LAPTM4B: variants seen among roughly 807,000 people sequenced by gnomAD.
The protein encoded by LAPTM4B is lysosomal protein transmembrane 4 beta.
In LAPTM4B, 26 loss-of-function variants were observed where a neutral mutation model predicts 28.5. The ratio of observed to expected loss-of-function variants is 0.91; its 90% CI spans 0.67 to 1.27. LAPTM4B has a LOEUF of 1.27. LAPTM4B is among the 50% of genes most tolerant of loss of function. LAPTM4B has a pLI of 0.00. For missense variants in LAPTM4B, 288 were observed against 285.8 expected (o/e 1.01, Z -0.06); for synonymous variants, 109 against 106.4 (o/e 1.02, Z -0.15).
rs752219747 is a variant in LAPTM4B, at chr8:97,775,975, C to T, written c.-35C>T. ...GCGAGGCGGTCGACGCTCCTGAAAA[C>T]TTGCGCGCGCGCTCGCGCCACTGCG... On this transcript the variant is annotated 5_prime_UTR_variant, in exon 1 of 7. Coordinates refer to ENST00000521545, the MANE Select transcript of LAPTM4B (RefSeq NM_018407.6). 45 of 1,544,090 alleles carry T rather than the reference C, an allele frequency of 2.9e-5. No homozygotes were observed. The East Asian group carries it at 1.0e-3, about 36-fold the overall frequency.
At chr8:97,787,702 C>T (rs1225278403) in intron 1 of LAPTM4B, among the ~76,000 whole-genome samples, 1 of 151,832 alleles carries the variant, frequency 6.6e-6, no homozygotes, top group Non-Finnish European at 1.5e-5. Flanking sequence ...ATTTTAGTGT[C>T]CTTTTCTAAG....
chr8:97,836,960 A>G lies in LAPTM4B; in HGVS notation c.603+11807A>G, dbSNP rs569657965. Among the ~76,000 whole-genome samples, 8 of 151,936 alleles carry G rather than the reference A, an allele frequency of 5.3e-5. No homozygotes were observed. In the East Asian group the frequency reaches 1.5e-3, roughly 29 times the overall value. On this transcript the variant is annotated intron_variant, in intron 6 of 6. Transcript: ENST00000521545. Reference sequence around the variant, plus strand: ...AGAGAAAAAAAAATATATATATATAACATATAAGGTGAGTGATGACTGGGG... The same window carrying G: ...AGAGAAAAAAAAATATATATATATAGCATATAAGGTGAGTGATGACTGGGG...
intron 6 of LAPTM4B, among the ~76,000 whole-genome samples, chr8:97,850,443 G>A (rs1817504960): frequency 7.9e-6 from 1 of 126,272 alleles, no homozygotes; most frequent in South Asian, 2.3e-4. Flanking sequence ...AAGTAATGAA[G>A]TGTGTAGAGC....
intron 1 of LAPTM4B, among the ~76,000 whole-genome samples, chr8:97,782,340 G>GTGGCTCAATGCAGCCTTGTCTTCCC (rs111728444): frequency 7.7e-5 from 10 of 129,332 alleles, no homozygotes; most frequent in Non-Finnish European, 1.3e-4. Context: ...CCAGGCTGGA[G>GTGGCTCAATGCAGCCTTGTCTTCCC]TGGCTCAATG....
chr8:97,825,074 G>A lies in LAPTM4B; in HGVS notation c.524G>A (p.Cys175Tyr), dbSNP rs777884658. ...ILTFKGYLISCVWNCYRYING... is the reference protein window; with the variant it reads ...ILTFKGYLISYVWNCYRYING... ...CATTTTCAGGGTTACTTGATTAGCT[G>A]TGTTTGGAACTGCTACCGATACATC... is the stretch of plus-strand genomic sequence containing the variant. The change falls in exon 6 of 7, where the codon TGT becomes TAT. Residue 175 changes from cysteine (C) to tyrosine (Y), a missense_variant. Cys to Tyr is a radical substitution (Grantham distance 194). Transcript: ENST00000521545. 1 of 1,607,686 alleles carries A rather than the reference G, an allele frequency of 6.2e-7. No homozygotes were observed. The highest frequency in any genetic ancestry group is 8.5e-7 in the Non-Finnish European group (1 of 1,174,500).
At chr8:97,820,932 G>T (rs1014791811) in intron 5 of LAPTM4B, among the ~76,000 whole-genome samples, 2 of 151,772 alleles carry the variant, frequency 1.3e-5, no homozygotes, top group African/African-American at 4.8e-5. Context: ...TCACCATGTT[G>T]GCCATGCTGG....
At chr8:97,791,029 C>T (rs572301960) in intron 1 of LAPTM4B, among the ~76,000 whole-genome samples, 8 of 152,200 alleles carry the variant, frequency 5.3e-5, no homozygotes, top group Non-Finnish European at 7.4e-5. Context: ...CTCAGCCTCC[C>T]GAGTAGCTGG....
chr8:97,815,678 C>T (rs1816900684), intron 3 of LAPTM4B, among the ~76,000 whole-genome samples: 1 of 152,164 alleles, frequency 6.6e-6, no homozygotes, highest in Non-Finnish European at 1.5e-5. Flanking sequence ...GTGATTCTCC[C>T]ACCTCAGCCT....
At chr8:97,816,242 A>G (rs1344000831) in intron 4 of LAPTM4B, 62 bp downstream of exon 4, 5 of 1,514,892 alleles carry the variant, frequency 3.3e-6, no homozygotes, top group Non-Finnish European at 4.5e-6. Context: ...CTGGTTAAGT[A>G]AGGGATGTGT....
At chr8:97,786,408 T>TAAAAAAA (rs34540509) in intron 1 of LAPTM4B, among the ~76,000 whole-genome samples, 2 of 147,886 alleles carry the variant, frequency 1.4e-5, no homozygotes, top group African/African-American at 2.5e-5. Flanking sequence ...ACATTGAACT[T>TAAAAAAA]AAAAAAAAAA....
rs138816867 is a variant in LAPTM4B, at chr8:97,820,781, T to C, written c.507+1543T>C. ...TCTCACTCTGTCACCTAGGCTGGAG[T>C]GCAGAGGTGCGATCTCGGCTCACTG... On this transcript the variant is annotated intron_variant, in intron 5 of 6. Transcript: ENST00000521545. Among the ~76,000 whole-genome samples the C allele has an allele frequency of 6.0e-3, 904 of 151,902 alleles. 6 individuals carry two copies. Among genetic ancestry groups the C allele is most frequent in the African/African-American group, 0.02 (850 of 41,494 alleles).
chr8:97,851,536 C>A lies in LAPTM4B; in HGVS notation c.*62C>A. On this transcript the variant is annotated 3_prime_UTR_variant, in exon 7 of 7. Transcript: ENST00000521545. ...CTTTGCAGACATCTGAGCAATAGTT[C>A]TGTTATTTCACTTTTGCCATGAGCC... 8.0e-7 allele frequency: 1 copy of A among 1,249,256 alleles called. No individual in the cohort carries two copies. Among genetic ancestry groups the A allele is most frequent in the Non-Finnish European group, 1.2e-6 (1 of 851,714 alleles). 77.4% of individuals were successfully genotyped at this position (1,249,256 alleles called of 1,614,324 possible).
intron 1 of LAPTM4B, among the ~76,000 whole-genome samples, chr8:97,800,393 C>T (rs1816651600): frequency 6.6e-6 from 1 of 151,434 alleles, no homozygotes; most frequent in South Asian, 2.1e-4. Context: ...TATTGTATGC[C>T]AGTCACCGGT....
chr8:97,851,570 CTTGT>C lies in LAPTM4B; in HGVS notation c.*102_*105del, dbSNP rs539431617. ...CACTTTTGCCATGAGCCTCTCTGAG[CTTGT>C]TTGTTGCTGAAATGCTACTTTTTAA... On this transcript the variant is annotated 3_prime_UTR_variant, in exon 7 of 7. Coordinates refer to ENST00000521545, the MANE Select transcript of LAPTM4B (RefSeq NM_018407.6). The C allele has an allele frequency of 8.8e-6, 8 of 905,624 alleles. No homozygotes were observed. The African/African-American group carries it at 1.3e-4, about 15-fold the overall frequency. 56.1% of individuals were successfully genotyped at this position (905,624 alleles called of 1,614,324 possible).
chr8:97,797,422 C>T lies in LAPTM4B; in HGVS notation c.100-7931C>T, dbSNP rs184004499. Among the ~76,000 whole-genome samples, 355 of 152,194 alleles carry T rather than the reference C, an allele frequency of 2.3e-3. 1 individual carries two copies. The highest frequency in any genetic ancestry group is 7.8e-3 in the African/African-American group (326 of 41,538). ...TGCTGGGATTACAGGAGTGAGCCAC[C>T]GCGCCCGGCTGGAATTACAACTTTT... On this transcript the variant is annotated intron_variant, in intron 1 of 6. Coordinates refer to ENST00000521545, the MANE Select transcript of LAPTM4B (RefSeq NM_018407.6).
chr8:97,824,957 T>C, intron 5 of LAPTM4B, 101 bp from the exon 6 acceptor site: 1 of 672,752 alleles, frequency 1.5e-6, no homozygotes, highest in East Asian at 2.7e-5. Context: ...CATTTATTGC[T>C]TATGTCAATA....
chr8:97,830,828 G>A (rs1469016460), intron 6 of LAPTM4B, among the ~76,000 whole-genome samples: 1 of 152,086 alleles, frequency 6.6e-6, no homozygotes, highest in Non-Finnish European at 1.5e-5. Context: ...TATATGGCTG[G>A]GTATCTGGAG....
chr8:97,827,158 A>G (rs1563617133), intron 6 of LAPTM4B, among the ~76,000 whole-genome samples: 1 of 152,104 alleles, frequency 6.6e-6, no homozygotes, highest in African/African-American at 2.4e-5. Flanking sequence ...CTGGCTCTTA[A>G]CTCTTCATAG....
chr8:97,820,304 CTTT>C (rs71570268), intron 5 of LAPTM4B, among the ~76,000 whole-genome samples: 4 of 128,342 alleles, frequency 3.1e-5, no homozygotes, highest in Admixed American at 8.3e-5. Context: ...TTCTTTCTTT[CTTT>C]TTTTTTTTTT....
Sources: gnomAD v4.1 joint callset for allele counts (sites outside exome capture counted in the v4.1 genomes callset) on GRCh38, gnomAD v4.1.1 for gene constraint, MANE v1.5 for transcripts, NCBI Gene and HGNC (gene_info 2026-07-23, HGNC 2026-07-21) for gene names.